Variants in C2CD3 observed in about 807,000 individuals in gnomAD.
The protein encoded by C2CD3 is C2 domain-containing protein 3.
In C2CD3, 148 loss-of-function variants were observed where a neutral mutation model predicts 234.0. The ratio of observed to expected loss-of-function variants is 0.63; its 90% CI spans 0.55 to 0.72. C2CD3 has a LOEUF of 0.72. Among genes scored for constraint, C2CD3 ranks in the 30% least tolerant of loss-of-function variants. The pLI is 0.00. For missense variants in C2CD3, 2,577 were observed against 2,811.5 expected, an observed-to-expected ratio of 0.92 and a Z score of 1.89; for synonymous variants, 1,000 against 1,035.4, an observed-to-expected ratio of 0.97 and a Z score of 0.66.
rs565083844 is a variant in C2CD3, at chr11:74,094,856, C to T, written c.3160+372G>A. Among the ~76,000 whole-genome samples the T allele has an allele frequency of 3.3e-5, 5 of 152,152 alleles. No homozygotes were observed. In the South Asian group the frequency reaches 1.0e-3, roughly 32 times the overall value. ...AGTGGTTCAGTATTCCTTAATTCAG[C>T]GTTCATGGTGGCTTTACAGAACAGA... On this transcript the variant is annotated intron_variant, in intron 17 of 32. Transcript: ENST00000334126.
Position 74,033,892 on chromosome 11 carries a change from C to T in C2CD3, c.6268G>A (p.Val2090Ile). ...ATGACCTCACTTGTGTCTGATATGA[C>T]ACTAGACCAAGGGCTAGTTTTGTCT... is the stretch of plus-strand genomic sequence containing the variant. ...VTDKTSPWSS[V>I]ISDTSEVISP... The change falls in exon 31 of 33, where the codon GTC becomes ATC. Residue 2090 changes from valine to isoleucine, a missense_variant. Coordinates refer to ENST00000334126, the MANE Select transcript of C2CD3 (RefSeq NM_001286577.2). 1 of 1,536,206 alleles carries T rather than the reference C, an allele frequency of 6.5e-7. No homozygotes were observed. Among genetic ancestry groups the T allele is most frequent in the Non-Finnish European group, 8.7e-7 (1 of 1,146,926 alleles).
At chr11:74,057,771 G>C (rs1370633948) in intron 24 of C2CD3, among the ~76,000 whole-genome samples, 2 of 151,986 alleles carry the variant, frequency 1.3e-5, no homozygotes. Flanking sequence ...AGAAATTCAA[G>C]ACCAGCCTGG....
At chr11:74,060,194 G>A (rs909025492) in intron 24 of C2CD3, among the ~76,000 whole-genome samples, 1 of 152,222 alleles carries the variant, frequency 6.6e-6, no homozygotes, top group Admixed American at 6.5e-5. Context: ...TCTGGGGGCA[G>A]GGCATAGCTG....
chr11:74,117,196 A>T (rs145745207), intron 9 of C2CD3, among the ~76,000 whole-genome samples: 11,778 of 59,388 alleles, frequency 0.2, 2,062 homozygotes, highest in Admixed American at 0.29. Flanking sequence ...ATATATATAT[A>T]TGAATATATA....
At chr11:74,089,963 G>A (rs1017459951) in intron 20 of C2CD3, among the ~76,000 whole-genome samples, 3 of 152,214 alleles carry the variant, frequency 2.0e-5, no homozygotes, top group Non-Finnish European at 2.9e-5. Flanking sequence ...AGAGAAGTAT[G>A]AGTGAAGACC....
chr11:74,019,179 CT>C (rs1951989135), intron 32 of C2CD3, among the ~76,000 whole-genome samples: 2 of 152,194 alleles, frequency 1.3e-5, no homozygotes, highest in South Asian at 4.1e-4. Flanking sequence ...AAAAGTTATA[CT>C]CTTACAAGAA....
chr11:74,040,964 ATTTT>A (rs570727716), intron 29 of C2CD3, among the ~76,000 whole-genome samples: 49 of 133,858 alleles, frequency 3.7e-4, no homozygotes, highest in African/African-American at 9.4e-4. Context: ...TTTTCCTTAA[ATTTT>A]TTTTTTTTTT....
chr11:74,116,318 A>G (rs1215007051), intron 9 of C2CD3, among the ~76,000 whole-genome samples: 2 of 152,310 alleles, frequency 1.3e-5, no homozygotes, highest in African/African-American at 4.8e-5. Context: ...GTCTAAGGAC[A>G]TGAATAAACA....
intron 14 of C2CD3, among the ~76,000 whole-genome samples, chr11:74,101,739 G>C (rs1956323147): frequency 6.6e-6 from 1 of 151,792 alleles, no homozygotes; most frequent in African/African-American, 2.4e-5. Flanking sequence ...TGAAGATACA[G>C]AAGTAGGAGA....
intron 24 of C2CD3, among the ~76,000 whole-genome samples, chr11:74,072,637 C>A (rs1038095415): frequency 6.6e-6 from 1 of 151,986 alleles, no homozygotes; most frequent in African/African-American, 2.4e-5. Flanking sequence ...TGTACACATA[C>A]AATTTATTGG....
intron 15 of C2CD3, 98 bp from the exon 16 acceptor site, chr11:74,098,353 G>C (rs1956189169): frequency 1.6e-6 from 2 of 1,266,614 alleles, no homozygotes; most frequent in South Asian, 1.4e-5. Flanking sequence ...GTTAAAAATA[G>C]ATTTGCAACT....
At chr11:74,037,826 T>G in intron 29 of C2CD3, 128 bp from the exon 30 acceptor site, 1 of 692,128 alleles carries the variant, frequency 1.4e-6, no homozygotes, top group Non-Finnish European at 2.5e-6. Flanking sequence ...ATTAATATAC[T>G]AAGTCCCTCT....
intron 1 of C2CD3, among the ~76,000 whole-genome samples, chr11:74,168,926 T>C (rs1856975970): frequency 1.3e-5 from 2 of 152,256 alleles, no homozygotes. Flanking sequence ...TTTAGTTGAG[T>C]TACTATTTGA....
intron 24 of C2CD3, among the ~76,000 whole-genome samples, chr11:74,072,078 T>C (rs563307518): frequency 2.0e-5 from 3 of 152,298 alleles, no homozygotes; most frequent in Admixed American, 1.3e-4. Context: ...AACTCATTCA[T>C]CTATTGATTT....
At chr11:74,036,789 A>C (rs1432561153) in intron 30 of C2CD3, among the ~76,000 whole-genome samples, 1 of 152,204 alleles carries the variant, frequency 6.6e-6, no homozygotes, top group East Asian at 1.9e-4. Context: ...CAGGTTTGCC[A>C]ATATTTGCTC....
chr11:74,054,588 CT>C lies in C2CD3; in HGVS notation c.5155+18del. 7.2e-7 allele frequency: 1 copy of C among 1,381,852 alleles called. No individual in the cohort carries two copies. The highest frequency in any genetic ancestry group is 1.0e-6 in the Non-Finnish European group (1 of 1,002,410). 85.6% of individuals were successfully genotyped at this position (1,381,852 alleles called of 1,614,324 possible). A position where few individuals can be genotyped will look rare whatever the true frequency, so the allele number is the denominator to read the frequency against. On this transcript the variant is annotated intron_variant, in intron 26 of 32. Transcript: ENST00000334126. ...TTATTTTTACAAGCAAGCAGATATT[CT>C]TTTAACAGAGTTCATACCTCCTTTA...
chr11:74,083,826 C>T (rs532240164), intron 22 of C2CD3, among the ~76,000 whole-genome samples: 215 of 152,272 alleles, frequency 1.4e-3, no homozygotes, highest in Non-Finnish European at 2.5e-3. Context: ...GAAATAGGAA[C>T]GCTTTTACAC....
chr11:74,081,255 A>T (rs1164517117), intron 22 of C2CD3, among the ~76,000 whole-genome samples: 1 of 152,196 alleles, frequency 6.6e-6, no homozygotes, highest in Non-Finnish European at 1.5e-5. Context: ...AGGTCAAATC[A>T]CTTGGTCAAG....
intron 24 of C2CD3, among the ~76,000 whole-genome samples, chr11:74,069,675 C>T (rs995517178): frequency 3.3e-5 from 5 of 152,180 alleles, no homozygotes; most frequent in South Asian, 2.1e-4. Context: ...AGAAGAACCA[C>T]GGTTTCCTGA....
Sources: allele counts gnomAD v4.1 joint callset (sites outside exome capture counted in the v4.1 genomes callset), GRCh38; gene constraint gnomAD v4.1.1; transcripts MANE v1.5; gene names NCBI Gene and HGNC (gene_info 2026-07-23, HGNC 2026-07-21).